The following CDH19 variants were observed in gnomAD, a reference collection of about 807,000 sequenced individuals.
The protein encoded by CDH19 is cadherin 19, also known as cadherin-19.
In CDH19, 67 loss-of-function variants were observed where a neutral mutation model predicts 64.2. The ratio of observed to expected loss-of-function variants is 1.04; its 90% confidence interval spans 0.86 to 1.28. The LOEUF (loss-of-function observed/expected upper bound fraction) is 1.28. CDH19 is among the 50% of genes most tolerant of loss of function. CDH19 has a pLI of 0.00. For missense variants in CDH19, 1,030 were observed against 929.0 expected (o/e 1.11, Z -1.41); for synonymous variants, 346 against 319.3 (o/e 1.08, Z -0.89).
In CDH19 at chr18:66,514,595, T is replaced by G. The variant is rs1457998547; in HGVS notation, c.1459-2910A>C. Among the ~76,000 whole-genome samples the G allele has an allele frequency of 2.0e-5, 3 of 151,524 alleles. No homozygotes were observed. The East Asian group carries it at 5.8e-4, about 29-fold the overall frequency. ...TGTATGAAATTAATATTTTGTAGAT[T>G]AAAGATGACCTACTAATGGAAGTTT... On this transcript the variant is annotated intron_variant, in intron 9 of 11. Coordinates refer to ENST00000262150, the MANE Select transcript of CDH19 (RefSeq NM_021153.4).
intron 10 of CDH19, among the ~76,000 whole-genome samples, chr18:66,509,629 C>G (rs986842554): frequency 1.3e-5 from 2 of 151,480 alleles, no homozygotes; most frequent in Admixed American, 1.3e-4. Flanking sequence ...GCTTTTTAAT[C>G]AGATATCAAT....
At chr18:66,587,269 G>T (rs1383481022) in intron 1 of CDH19, among the ~76,000 whole-genome samples, 1 of 152,120 alleles carries the variant, frequency 6.6e-6, no homozygotes, top group Non-Finnish European at 1.5e-5. Flanking sequence ...GTTGGGAAAC[G>T]CAGAGGTTAA....
At chr18:66,596,069 A>G (rs1988879394) in intron 1 of CDH19, 1 of 152,182 alleles carries the variant, frequency 6.6e-6, no homozygotes, top group African/African-American at 2.4e-5. Flanking sequence ...AAATCACATG[A>G]TCATGTCCAT....
intron 11 of CDH19, among the ~76,000 whole-genome samples, chr18:66,506,538 C>T (rs1011897702): frequency 1.3e-5 from 2 of 151,930 alleles, no homozygotes; most frequent in African/African-American, 4.8e-5. Context: ...TCAGAAATTT[C>T]AAACTATCAT....
chr18:66,528,711 G>A lies in CDH19; in HGVS notation c.1458+1134C>T, dbSNP rs184046797. 2.0e-5 allele frequency among the ~76,000 whole-genome samples: 3 copies of A among 152,114 alleles called. No homozygotes were observed. In the East Asian group the frequency reaches 5.8e-4, roughly 29 times the overall value. On this transcript the variant is annotated intron_variant, in intron 9 of 11. Transcript: ENST00000262150. ...TTTAATAATCAGTAACAGTTAAGAT[G>A]TACCTATTTCTTAAGATATGAGTAT...
rs890817034 is a variant in CDH19 at position 66,544,729 on chromosome 18, A to G, written c.950T>C (p.Ile317Thr). Reference protein sequence around the residue: ...TNHETQEGIVILKKKVDFEHQ... With the variant: ...TNHETQEGIVTLKKKVDFEHQ... ...TTTTAACATGTCTACCTTTTTTAAT[A>G]TAACTATTCCTTCTTGAGTTTCATG... Residue 317 changes from isoleucine to threonine, a missense_variant, in exon 6 of 12, where the codon ATA (isoleucine) becomes ACA (threonine). Coordinates refer to ENST00000262150, the MANE Select transcript of CDH19 (RefSeq NM_021153.4). 3.8e-6 allele frequency: 6 copies of G among 1,598,616 alleles called. No individual in the cohort carries two copies. Among genetic ancestry groups the G allele is most frequent in the African/African-American group, 2.7e-5 (2 of 74,432 alleles).
At chr18:66,603,800 T>C (rs893065505) in intron 1 of CDH19, among the ~76,000 whole-genome samples, 154 bp downstream of exon 1, 2 of 152,136 alleles carry the variant, frequency 1.3e-5, no homozygotes, top group South Asian at 2.1e-4. Flanking sequence ...GGTTTTAAAA[T>C]TTTTAGAATA....
At chr18:66,560,616 T>C (rs972445677) in intron 3 of CDH19, among the ~76,000 whole-genome samples, 7 of 152,048 alleles carry the variant, frequency 4.6e-5, no homozygotes, top group Admixed American at 3.9e-4. Flanking sequence ...ATATATTTAG[T>C]CCTGGGGAAT....
At chr18:66,520,623 A>G (rs1985943455) in intron 9 of CDH19, among the ~76,000 whole-genome samples, 1 of 152,100 alleles carries the variant, frequency 6.6e-6, no homozygotes, top group Non-Finnish European at 1.5e-5. Flanking sequence ...TTAAAATTTT[A>G]TATTTTACCC....
intron 1 of CDH19, among the ~76,000 whole-genome samples, chr18:66,572,569 G>A (rs1479356712): frequency 6.6e-6 from 1 of 151,704 alleles, no homozygotes; most frequent in Non-Finnish European, 1.5e-5. Flanking sequence ...TTGAAAGATT[G>A]CTCTGGGAGT....
At chr18:66,512,712 C>T (rs1985551330) in intron 9 of CDH19, among the ~76,000 whole-genome samples, 1 of 151,166 alleles carries the variant, frequency 6.6e-6, no homozygotes, top group South Asian at 2.1e-4. Context: ...TTATTCAATC[C>T]ATGCTTATAA....
chr18:66,585,525 CTG>C (rs1988551998), intron 1 of CDH19, among the ~76,000 whole-genome samples: 1 of 152,022 alleles, frequency 6.6e-6, no homozygotes, highest in Non-Finnish European at 1.5e-5. Context: ...CTCTCAAGGT[CTG>C]TGTTCTTGAT....
chr18:66,581,049 C>T (rs1183037159), intron 1 of CDH19, among the ~76,000 whole-genome samples: 1 of 152,060 alleles, frequency 6.6e-6, no homozygotes, highest in South Asian at 2.1e-4. Context: ...TTTTGCCCTG[C>T]ATTTCCAATC....
intron 3 of CDH19, among the ~76,000 whole-genome samples, chr18:66,565,088 C>A: frequency 6.6e-6 from 1 of 151,896 alleles, no homozygotes; most frequent in African/African-American, 2.4e-5. Flanking sequence ...TTATTCAATC[C>A]TTCCAAATCT....
intron 9 of CDH19, among the ~76,000 whole-genome samples, chr18:66,517,267 G>GA (rs1344098088): frequency 6.6e-6 from 1 of 151,818 alleles, no homozygotes; most frequent in Non-Finnish European, 1.5e-5. Flanking sequence ...TTAGGAAAAA[G>GA]AAAATTTTTA....
chr18:66,565,601 A>C (rs946497053), intron 3 of CDH19, among the ~76,000 whole-genome samples: 4 of 151,974 alleles, frequency 2.6e-5, no homozygotes, highest in Admixed American at 6.6e-5. Context: ...ATATTTAGGT[A>C]ATAAAACCCG....
At chr18:66,540,884 A>G (rs1986861862) in intron 7 of CDH19, among the ~76,000 whole-genome samples, 1 of 152,180 alleles carries the variant, frequency 6.6e-6, no homozygotes, top group Non-Finnish European at 1.5e-5. Context: ...AATTTTAAGA[A>G]TAATTTCTTA....
chr18:66,518,824 A>G (rs930162079), intron 9 of CDH19, among the ~76,000 whole-genome samples: 1 of 151,964 alleles, frequency 6.6e-6, no homozygotes, highest in Non-Finnish European at 1.5e-5. Flanking sequence ...CCTCTTTTCT[A>G]TTTTTCTTAC....
chr18:66,516,643 A>G (rs570405367), intron 9 of CDH19, among the ~76,000 whole-genome samples: 33 of 152,180 alleles, frequency 2.2e-4, no homozygotes, highest in African/African-American at 7.9e-4. Context: ...GCATGACTGC[A>G]GTCTTACCTA....
Sources: allele counts gnomAD v4.1 joint callset (sites outside exome capture counted in the v4.1 genomes callset), GRCh38; gene constraint gnomAD v4.1.1; transcripts MANE v1.5; gene names NCBI Gene and HGNC (gene_info 2026-07-23, HGNC 2026-07-21).